The following DOK5 variants were observed in gnomAD, a reference collection of about 807,000 sequenced individuals.
The protein encoded by DOK5 is docking protein 5, also known as downstream of tyrosine kinase 5.
Under a neutral mutation model 43.3 loss-of-function variants are expected in DOK5, and 27 were observed. That is an observed-to-expected ratio of 0.62 (90% confidence interval 0.46 to 0.86). DOK5 has a LOEUF of 0.86. Among genes scored for constraint, DOK5 ranks in the 40% least tolerant of loss-of-function variants. The probability of loss-of-function intolerance (pLI) is 0.00; values close to 1 mark genes in which losing one functional copy is unlikely to be tolerated. For missense variants in DOK5, 373 were observed against 392.9 expected (o/e 0.95, Z 0.43); for synonymous variants, 146 against 140.1 (o/e 1.04, Z -0.30).
chr20:54,587,496 A>T (rs1985843665), intron 2 of DOK5, among the ~76,000 whole-genome samples: 1 of 152,140 alleles, frequency 6.6e-6, no homozygotes, highest in South Asian at 2.1e-4. Flanking sequence ...CACAAAAGAG[A>T]TATATGAAAG....
chr20:54,573,686 C>CAAAAAA (rs1321685949), intron 2 of DOK5, among the ~76,000 whole-genome samples: 3 of 50,940 alleles, frequency 5.9e-5, no homozygotes, highest in Admixed American at 2.2e-4. Context: ...GACTCCATCT[C>CAAAAAA]AAAAAAAAAA....
chr20:54,547,845 T>A (rs1600694560), intron 1 of DOK5, among the ~76,000 whole-genome samples: 1 of 152,320 alleles, frequency 6.6e-6, no homozygotes, highest in East Asian at 1.9e-4. Context: ...CCTGTGGGGA[T>A]TGACTTGTTC....
At chr20:54,502,683 T>G (rs577759994) in intron 1 of DOK5, among the ~76,000 whole-genome samples, 1 of 152,316 alleles carries the variant, frequency 6.6e-6, no homozygotes, top group Admixed American at 6.5e-5. Context: ...ATAGTATATA[T>G]GCGCTATCCA....
intron 1 of DOK5, among the ~76,000 whole-genome samples, chr20:54,489,543 A>G (rs1384148670): frequency 1.3e-5 from 2 of 152,114 alleles, no homozygotes. Context: ...CTGTATGGAT[A>G]TATCTTATAT....
Position 54,475,869 on chromosome 20 carries a change from T to G in DOK5, c.-78T>G. 6.4e-7 allele frequency: 1 copy of G among 1,570,146 alleles called. No homozygotes were observed. The highest frequency in any genetic ancestry group is 8.7e-7 in the Non-Finnish European group (1 of 1,151,350). On this transcript the variant is annotated 5_prime_UTR_variant, in exon 1 of 8. Coordinates refer to ENST00000262593, the MANE Select transcript of DOK5 (RefSeq NM_018431.5). The surrounding 1 kb of genome is among the most constrained non-coding windows in gnomAD (Gnocchi z 4.2). Reference sequence around the variant, plus strand: ...ACTTTCTCCCACCGACTGCTTGTCTTGACCCTGCCCTCCACCCTCCCCAGA... The same window carrying G: ...ACTTTCTCCCACCGACTGCTTGTCTGGACCCTGCCCTCCACCCTCCCCAGA...
chr20:54,560,361 G>A (rs1365406118), intron 2 of DOK5, among the ~76,000 whole-genome samples: 2 of 152,082 alleles, frequency 1.3e-5, no homozygotes, highest in Non-Finnish European at 2.9e-5. Flanking sequence ...ATGCCAAAGA[G>A]GACATGACTC....
intron 5 of DOK5, among the ~76,000 whole-genome samples, chr20:54,602,779 A>G (rs1325822344): frequency 6.6e-6 from 1 of 151,998 alleles, no homozygotes; most frequent in African/African-American, 2.4e-5. Context: ...GGTTCAAGCA[A>G]TTCCTTACCT....
rs116293485 is a variant in DOK5 at position 54,628,020 on chromosome 20, T to C, written c.736-15438T>C. On this transcript the variant is annotated intron_variant, in intron 6 of 7. Coordinates refer to ENST00000262593, the MANE Select transcript of DOK5 (RefSeq NM_018431.5). The stretch of plus-strand genomic sequence containing the variant: ...TGATACAACGGTTCACAGTGAGACA[T>C]ACTCACTGATCAGTAATCACATCCT... Among the ~76,000 whole-genome samples, 534 of 152,312 alleles carry C rather than the reference T, an allele frequency of 3.5e-3. 4 individuals are homozygous for C. The highest frequency in any genetic ancestry group is 0.012 in the African/African-American group (513 of 41,558).
intron 5 of DOK5, among the ~76,000 whole-genome samples, chr20:54,606,348 G>A (rs1202257936): frequency 6.6e-6 from 1 of 152,106 alleles, no homozygotes; most frequent in Non-Finnish European, 1.5e-5. Context: ...GCCACTTGGG[G>A]CCACTTTGGA....
chr20:54,514,253 AT>A (rs1462483798), intron 1 of DOK5, among the ~76,000 whole-genome samples: 1 of 152,142 alleles, frequency 6.6e-6, no homozygotes, highest in Non-Finnish European at 1.5e-5. Context: ...CTCTTTCATT[AT>A]TCTGAATAAT....
intron 2 of DOK5, among the ~76,000 whole-genome samples, chr20:54,568,324 T>A (rs1291589384): frequency 1.3e-5 from 2 of 152,256 alleles, no homozygotes; most frequent in Non-Finnish European, 2.9e-5. Context: ...AGATACAATC[T>A]ATCCAGTTTC....
At chr20:54,565,659 C>A (rs1318208456) in intron 2 of DOK5, among the ~76,000 whole-genome samples, 2 of 152,130 alleles carry the variant, frequency 1.3e-5, no homozygotes, top group Non-Finnish European at 2.9e-5. Context: ...TGCTAGTATA[C>A]CTTAAGCTCC....
intron 2 of DOK5, among the ~76,000 whole-genome samples, chr20:54,585,312 G>A (rs868600952): frequency 3.3e-5 from 5 of 152,156 alleles, no homozygotes; most frequent in Non-Finnish European, 1.5e-5. Context: ...GAGCGGGGGT[G>A]TTCAGTTGCT....
At chr20:54,533,930 A>G (rs1983865407) in intron 1 of DOK5, among the ~76,000 whole-genome samples, 1 of 152,226 alleles carries the variant, frequency 6.6e-6, no homozygotes, top group African/African-American at 2.4e-5. Flanking sequence ...AGCAGTATTT[A>G]TAGACAGCAA....
At chr20:54,601,309 A>G (rs188424961) in intron 5 of DOK5, among the ~76,000 whole-genome samples, 83 of 152,390 alleles carry the variant, frequency 5.4e-4, no homozygotes, top group Admixed American at 2.9e-3. Flanking sequence ...AACTGTTAAA[A>G]GCACTGCTAA....
intron 1 of DOK5, among the ~76,000 whole-genome samples, chr20:54,525,013 T>C (rs1983532124): frequency 6.6e-6 from 1 of 152,232 alleles, no homozygotes; most frequent in African/African-American, 2.4e-5. Context: ...TGATGGTCAC[T>C]GTCCAGTGGG....
intron 2 of DOK5, among the ~76,000 whole-genome samples, chr20:54,573,173 A>G (rs1985345864): frequency 6.6e-6 from 1 of 152,208 alleles, no homozygotes; most frequent in African/African-American, 2.4e-5. Flanking sequence ...TTTAAGCAGA[A>G]TAATCAGGAA....
At chr20:54,485,960 C>T (rs6098013) in intron 1 of DOK5, among the ~76,000 whole-genome samples, 6,172 of 152,166 alleles carry the variant, frequency 0.041, 443 homozygotes, top group African/African-American at 0.14. Context: ...CAGTAAAATG[C>T]CTGGATTGCT....
intron 6 of DOK5, among the ~76,000 whole-genome samples, chr20:54,640,547 C>T (rs927115214): frequency 1.3e-5 from 2 of 152,200 alleles, no homozygotes; most frequent in Non-Finnish European, 2.9e-5. Context: ...AATTAAAATG[C>T]TTCTTTCATA....
Sources: allele counts gnomAD v4.1 joint callset (sites outside exome capture counted in the v4.1 genomes callset), GRCh38; gene constraint gnomAD v4.1.1; non-coding constraint Gnocchi (gnomAD v3.1); transcripts MANE v1.5; gene names NCBI Gene and HGNC (gene_info 2026-07-23, HGNC 2026-07-21).